SNX29: variants seen among roughly 807,000 people sequenced by gnomAD.
The protein encoded by SNX29 is sorting nexin-29.
In SNX29, 78 loss-of-function variants were observed where a neutral mutation model predicts 102.1. The observed-to-expected ratio is 0.76, with a 90% CI of 0.64 to 0.92. The LOEUF (loss-of-function observed/expected upper bound fraction) is 0.92. Among genes scored for constraint, SNX29 ranks in the 40% least tolerant of loss-of-function variants. SNX29 has a pLI of 0.00. For synonymous variants in SNX29, 580 were observed against 414.5 expected (o/e 1.40, Z -4.85); for missense variants, 1,280 against 1,061.7 (o/e 1.21, Z -2.86).
intron 4 of SNX29, among the ~76,000 whole-genome samples, chr16:12,041,081 A>G (rs1452023808): frequency 2.0e-5 from 3 of 152,130 alleles, no homozygotes; most frequent in African/African-American, 7.2e-5. Flanking sequence ...TGCTTGGATT[A>G]CAGGGGTGAG....
At chr16:12,393,367 A>G (rs948891868) in intron 16 of SNX29, among the ~76,000 whole-genome samples, 2 of 141,476 alleles carry the variant, frequency 1.4e-5, no homozygotes, top group African/African-American at 5.8e-5. Flanking sequence ...GGGTGGAAAC[A>G]TAGCATATCT....
chr16:12,282,048 C>T (rs2079447528), intron 15 of SNX29, among the ~76,000 whole-genome samples: 1 of 130,750 alleles, frequency 7.6e-6, no homozygotes, highest in African/African-American at 2.9e-5. Context: ...CATGGCTCTG[C>T]ACTCCAACCT....
intron 1 of SNX29, among the ~76,000 whole-genome samples, chr16:11,979,213 T>A (rs1364295378): frequency 7.8e-6 from 1 of 127,890 alleles, no homozygotes; most frequent in Admixed American, 1.1e-4. Flanking sequence ...AGGTGGACAT[T>A]GCAGTGAGCG....
intron 11 of SNX29, among the ~76,000 whole-genome samples, chr16:12,123,156 A>C (rs2054050661): frequency 6.6e-6 from 1 of 152,152 alleles, no homozygotes; most frequent in Admixed American, 6.6e-5. Flanking sequence ...CTATATGACA[A>C]AAATTGTATG....
chr16:12,545,520 G>T, intron 20 of SNX29: 1 of 152,360 alleles, frequency 6.6e-6, no homozygotes, highest in Non-Finnish European at 1.5e-5. Context: ...GTCAGAGTGG[G>T]TGACCAGGGC....
intron 15 of SNX29, among the ~76,000 whole-genome samples, chr16:12,306,074 T>G (rs1193267379): frequency 1.3e-5 from 2 of 151,718 alleles, no homozygotes; most frequent in African/African-American, 2.4e-5. Flanking sequence ...GGCACCTGCA[T>G]GTAAAACCAT....
At chr16:12,494,926 C>T (rs1022300359) in intron 19 of SNX29, among the ~76,000 whole-genome samples, 6 of 152,182 alleles carry the variant, frequency 3.9e-5, no homozygotes, top group Non-Finnish European at 5.9e-5. Context: ...TTATTGAGTG[C>T]TAACTGCATG....
chr16:12,428,580 C>T (rs1021420281), intron 18 of SNX29, among the ~76,000 whole-genome samples: 37 of 152,128 alleles, frequency 2.4e-4, no homozygotes, highest in African/African-American at 6.5e-4. Flanking sequence ...ATATCTCCTC[C>T]TAGTTAGTCC....
intron 20 of SNX29, among the ~76,000 whole-genome samples, chr16:12,539,340 C>T (rs558809841): frequency 5.9e-5 from 9 of 151,996 alleles, no homozygotes; most frequent in Non-Finnish European, 8.8e-5. Context: ...AAGAATGTCA[C>T]ATAAATGGAA....
chr16:12,275,008 A>G (rs972224819), intron 14 of SNX29, among the ~76,000 whole-genome samples: 9 of 152,058 alleles, frequency 5.9e-5, no homozygotes, highest in Admixed American at 5.9e-4. Context: ...TCTTTCCTGC[A>G]AGTTGCTTTT....
At chr16:12,160,282 A>G (rs1012549445) in intron 13 of SNX29, among the ~76,000 whole-genome samples, 6 of 152,214 alleles carry the variant, frequency 3.9e-5, no homozygotes, top group Non-Finnish European at 8.8e-5. Context: ...TGGTAGGAGT[A>G]GATGTTAGGT....
chr16:12,473,317 G>C (rs978880018), intron 18 of SNX29, among the ~76,000 whole-genome samples: 4 of 152,204 alleles, frequency 2.6e-5, no homozygotes, highest in African/African-American at 9.6e-5. Flanking sequence ...AATGGCATTA[G>C]ACTAGCTTCG....
intron 3 of SNX29, among the ~76,000 whole-genome samples, chr16:12,026,256 C>T (rs573568965): frequency 4.6e-5 from 7 of 152,210 alleles, no homozygotes; most frequent in Non-Finnish European, 8.8e-5. Flanking sequence ...CTTGCCCCAT[C>T]GCCACCTGCC....
chr16:12,469,794 T>C (rs1171451803), intron 18 of SNX29, among the ~76,000 whole-genome samples: 2 of 152,178 alleles, frequency 1.3e-5, no homozygotes, highest in African/African-American at 4.8e-5. Flanking sequence ...GTGGATCACC[T>C]GAGGTCAGGA....
intron 16 of SNX29, among the ~76,000 whole-genome samples, chr16:12,357,225 G>A (rs926034595): frequency 3.3e-5 from 5 of 152,176 alleles, no homozygotes; most frequent in East Asian, 1.9e-4. Flanking sequence ...ACAATTATCC[G>A]TCACGGCCAA....
intron 14 of SNX29, among the ~76,000 whole-genome samples, chr16:12,227,108 G>A (rs2077633718): frequency 6.6e-6 from 1 of 151,896 alleles, no homozygotes; most frequent in South Asian, 2.1e-4. Flanking sequence ...GTACAAGCCA[G>A]CATTGCTGTT....
In SNX29 at chr16:12,438,972, G is replaced by A. The variant is rs117850823; in HGVS notation, c.2037+35443G>A. On this transcript the variant is annotated intron_variant, in intron 18 of 20. Transcript: ENST00000566228. ...AGGTGAGGGTAGAGAGGAAGGCACC[G>A]GACAGGATTGTCCACCTGCCATGTA... 4.0e-3 allele frequency among the ~76,000 whole-genome samples: 613 copies of A among 152,276 alleles called. 5 individuals carry two copies. The highest frequency in any genetic ancestry group is 0.032 in the East Asian group (164 of 5,182).
chr16:12,551,742 A>G lies in SNX29; in HGVS notation c.2319-16764A>G, dbSNP rs183257651. ...TGAATGGGGACAGCTGACAAGAAAT[A>G]CTTCCTGGCTGCCTTGTACACATAC... On this transcript the variant is annotated intron_variant, in intron 20 of 20. Coordinates refer to ENST00000566228, the MANE Select transcript of SNX29 (RefSeq NM_032167.5). Among the ~76,000 whole-genome samples the G allele has an allele frequency of 2.6e-3, 389 of 152,280 alleles. 1 individual carries two copies. The highest frequency in any genetic ancestry group is 9.2e-3 in the African/African-American group (381 of 41,548).
intron 15 of SNX29, among the ~76,000 whole-genome samples, chr16:12,346,994 G>C (rs1193188729): frequency 6.6e-6 from 1 of 152,202 alleles, no homozygotes; most frequent in South Asian, 2.1e-4. Context: ...CTGCTTCTCA[G>C]AGGCGTCCCC....
Sources: gnomAD v4.1 joint callset for allele counts (sites outside exome capture counted in the v4.1 genomes callset) on GRCh38, gnomAD v4.1.1 for gene constraint, MANE v1.5 for transcripts, NCBI Gene and HGNC (gene_info 2026-07-23, HGNC 2026-07-21) for gene names.